Variants in MTURN observed in about 807,000 individuals in gnomAD.
MTURN encodes the protein maturin.
MTURN carries 7 observed loss-of-function variants against 14.9 expected under a neutral mutation model. The ratio of observed to expected loss-of-function variants is 0.47; its 90% CI spans 0.27 to 0.88. The LOEUF is 0.88. MTURN is among the 40% of genes least tolerant of loss of function. The pLI is 0.14. For missense variants in MTURN, 151 were observed against 174.1 expected (o/e 0.87, Z 0.75); for synonymous variants, 69 against 72.5 (o/e 0.95, Z 0.25).
At chr7:30,146,551 G>GC (rs1487822452) in intron 2 of MTURN, among the ~76,000 whole-genome samples, 1 of 152,048 alleles carries the variant, frequency 6.6e-6, no homozygotes, top group Non-Finnish European at 1.5e-5. Context: ...ATCCCTGATG[G>GC]GGGGGGAAGC....
intron 2 of MTURN, among the ~76,000 whole-genome samples, chr7:30,154,434 C>G (rs1231381049): frequency 6.6e-6 from 1 of 152,194 alleles, no homozygotes; most frequent in East Asian, 1.9e-4. Context: ...CTTGGCCACT[C>G]CCAGTTTCCC....
At chr7:30,152,137 CT>C (rs967905660) in intron 2 of MTURN, among the ~76,000 whole-genome samples, 15 of 144,848 alleles carry the variant, frequency 1.0e-4, no homozygotes, top group African/African-American at 2.4e-4. Flanking sequence ...GACAGTTTAT[CT>C]TTTTTTTCTT....
Position 30,140,091 on chromosome 7 carries a change from G to C in MTURN, c.162+4793G>C, listed in dbSNP as rs532012867. Among the ~76,000 whole-genome samples, 252 of 152,304 alleles carry C rather than the reference G, an allele frequency of 1.7e-3. 1 individual carries two copies. The highest frequency in any genetic ancestry group is 6.8e-3 in the Middle Eastern group (2 of 294). ...CCAGATAAACAGAGGGGCACTCCTA[G>C]GCATGGAGCACCAGCTGCGTTCCTT... On this transcript the variant is annotated intron_variant, in intron 1 of 2. Transcript: ENST00000324453.
intron 2 of MTURN, among the ~76,000 whole-genome samples, chr7:30,151,994 A>G (rs1257105448): frequency 2.0e-5 from 3 of 152,078 alleles, no homozygotes; most frequent in African/African-American, 7.2e-5. Flanking sequence ...TCTTGCCTCT[A>G]CTCATGGAGT....
chr7:30,152,672 C>T (rs1488956449), intron 2 of MTURN, among the ~76,000 whole-genome samples: 1 of 152,202 alleles, frequency 6.6e-6, no homozygotes, highest in African/African-American at 2.4e-5. Flanking sequence ...AGGGTACAGA[C>T]ACCACCTCCC....
chr7:30,144,928 C>CTTTTTTTTT (rs11411711), intron 1 of MTURN, among the ~76,000 whole-genome samples: 3 of 73,974 alleles, frequency 4.1e-5, no homozygotes, highest in South Asian at 5.5e-4. Context: ...GACCTCAATA[C>CTTTTTTTTT]TTTTTTTTTT....
chr7:30,138,902 C>T lies in MTURN; in HGVS notation c.162+3604C>T, dbSNP rs933475284. 2.6e-5 allele frequency among the ~76,000 whole-genome samples: 4 copies of T among 152,184 alleles called. No individual in the cohort carries two copies. The South Asian group carries it at 8.3e-4, about 32-fold the overall frequency. ...GTTCTGTCTGCCTAGAACCCTCTTG[C>T]CCCAGATCTTTCCACGGCTGGCTCC... On this transcript the variant is annotated intron_variant, in intron 1 of 2. Transcript: ENST00000324453.
In MTURN at chr7:30,160,654, A is replaced by T. The variant is rs1378519727; in HGVS notation, c.*3106A>T. The T allele has an allele frequency of 6.6e-6, 1 of 152,300 alleles. No individual in the cohort carries two copies. The highest frequency in any genetic ancestry group is 1.5e-5 in the Non-Finnish European group (1 of 68,094). 9.4% of individuals were successfully genotyped at this position (152,300 alleles called of 1,614,324 possible). ...TTGTTGTTCACTGGGCCAGCTCTGA[A>T]ATCCAAAATCATGCCTTGATAACAT... On this transcript the variant is annotated 3_prime_UTR_variant, in exon 3 of 3. Transcript: ENST00000324453.
intron 2 of MTURN, among the ~76,000 whole-genome samples, chr7:30,155,347 G>A (rs930002046): frequency 2.0e-5 from 3 of 152,160 alleles, no homozygotes; most frequent in Non-Finnish European, 4.4e-5. Context: ...CTATTTAAAT[G>A]TTACCACTTA....
rs1387262332 is a variant in MTURN at position 30,162,054 on chromosome 7, A to G, written c.*4506A>G. 1 of 152,088 alleles carries G rather than the reference A, an allele frequency of 6.6e-6. No individual in the cohort carries two copies. Among genetic ancestry groups the G allele is most frequent in the Non-Finnish European group, 1.5e-5 (1 of 67,998 alleles). The allele number at this position is 152,088 out of a possible 1,614,324, so 9.4% of individuals were successfully genotyped here. ...TTATTTAAATCTGGATTACGAAAAT[A>G]TAGTACCCATGAGCATTTCATGTTA... On this transcript the variant is annotated 3_prime_UTR_variant, in exon 3 of 3. Transcript: ENST00000324453.
At position 30,135,075 on chromosome 7, in the gene MTURN, C is replaced by G. The variant is rs1017971841; in HGVS notation, c.-62C>G. The G allele has an allele frequency of 6.6e-5, 84 of 1,281,156 alleles. No homozygotes were observed. The highest frequency in any genetic ancestry group is 8.2e-5 in the Non-Finnish European group (82 of 998,790). The allele number at this position is 1,281,156 out of a possible 1,614,324, so 79.4% of individuals were successfully genotyped here. A position where few individuals can be genotyped will look rare whatever the true frequency, so the allele number is the denominator to read the frequency against. On this transcript the variant is annotated 5_prime_UTR_variant, in exon 1 of 3. Coordinates refer to ENST00000324453, the MANE Select transcript of MTURN (RefSeq NM_152793.3). ...CGAGCCGAGCGCCGCGCTGCCCGCC[C>G]GGGAGGAGGGCGCCTAGGAGCGGGA... is the stretch of plus-strand genomic sequence containing the variant.
intron 1 of MTURN, among the ~76,000 whole-genome samples, chr7:30,138,271 C>T (rs975754632): frequency 5.3e-5 from 8 of 152,074 alleles, no homozygotes; most frequent in African/African-American, 1.7e-4. Flanking sequence ...GTGCACCCCA[C>T]GCCCAGCTAA....
rs115871625 is a variant in MTURN, at chr7:30,146,165, G to C, written c.163-12G>C. 1.2e-5 allele frequency: 19 copies of C among 1,613,482 alleles called. No individual in the cohort carries two copies. The highest frequency in any genetic ancestry group is 1.6e-5 in the Non-Finnish European group (19 of 1,179,590). On this transcript the variant is annotated splice_polypyrimidine_tract_variant and intron_variant, in intron 1 of 2. Transcript: ENST00000324453. ...TCTTTGTTTTCTCCTTCCGTCGCCC[G>C]TGGGCACGCAGCACGTGTGGAGTGA...
Position 30,161,846 on chromosome 7 carries a change from A to T in MTURN, c.*4298A>T. 1 of 152,178 alleles carries T rather than the reference A, an allele frequency of 6.6e-6. No homozygotes were observed. Among genetic ancestry groups the T allele is most frequent in the East Asian group, 1.9e-4 (1 of 5,200 alleles). 9.4% of individuals were successfully genotyped at this position (152,178 alleles called of 1,614,324 possible). On this transcript the variant is annotated 3_prime_UTR_variant, in exon 3 of 3. Coordinates refer to ENST00000324453, the MANE Select transcript of MTURN (RefSeq NM_152793.3). Reference sequence around the variant, plus strand: ...TTCTCCCAGTTTAGTGATAACAGGTATGACACAAGAAGCTGAAGTCTTTTA... The same window carrying T: ...TTCTCCCAGTTTAGTGATAACAGGTTTGACACAAGAAGCTGAAGTCTTTTA...
intron 2 of MTURN, among the ~76,000 whole-genome samples, chr7:30,147,149 A>G (rs1797141938): frequency 6.6e-6 from 1 of 152,130 alleles, no homozygotes; most frequent in African/African-American, 2.4e-5. Flanking sequence ...ATAGTAGACT[A>G]TGTCTGATGA....
intron 1 of MTURN, among the ~76,000 whole-genome samples, chr7:30,144,928 C>CTTTTTTTTTT (rs11411711): frequency 1.4e-5 from 1 of 73,976 alleles, no homozygotes; most frequent in Non-Finnish European, 2.4e-5. Context: ...GACCTCAATA[C>CTTTTTTTTTT]TTTTTTTTTT....
chr7:30,152,229 T>C (rs1583509764), intron 2 of MTURN, among the ~76,000 whole-genome samples: 2 of 151,656 alleles, frequency 1.3e-5, no homozygotes, highest in Non-Finnish European at 2.9e-5. Context: ...CCTCAAAAGG[T>C]AAGAGAGTGC....
intron 1 of MTURN, among the ~76,000 whole-genome samples, chr7:30,141,692 T>C (rs1447691007): frequency 6.6e-6 from 1 of 152,096 alleles, no homozygotes; most frequent in Non-Finnish European, 1.5e-5. Flanking sequence ...CCAGCTATTT[T>C]TCTTATTTTT....
chr7:30,136,722 T>TG (rs1450027821), intron 1 of MTURN, among the ~76,000 whole-genome samples: 6 of 152,192 alleles, frequency 3.9e-5, no homozygotes, highest in African/African-American at 1.4e-4. Context: ...TGGCCTTGTG[T>TG]GACAGCCAGA....
Sources: allele counts gnomAD v4.1 joint callset (sites outside exome capture counted in the v4.1 genomes callset), GRCh38; gene constraint gnomAD v4.1.1; transcripts MANE v1.5; gene names NCBI Gene and HGNC (gene_info 2026-07-23, HGNC 2026-07-21).